The following SYT14 variants were observed in gnomAD, a reference collection of about 807,000 sequenced individuals.
SYT14 encodes synaptotagmin-14.
Under a neutral mutation model 74.2 loss-of-function variants are expected in SYT14, and 32 were observed. The ratio of observed to expected loss-of-function variants is 0.43; its 90% CI spans 0.33 to 0.58. The LOEUF (loss-of-function observed/expected upper bound fraction) is 0.58. SYT14 is among the 20% of genes least tolerant of loss of function. The probability of loss-of-function intolerance (pLI) is 0.05; values close to 1 mark genes in which losing one functional copy is unlikely to be tolerated. For synonymous variants in SYT14, 298 were observed against 337.7 expected (o/e 0.88, Z 1.29); for missense variants, 791 against 981.8 (o/e 0.81, Z 2.60).
intron 5 of SYT14, among the ~76,000 whole-genome samples, chr1:210,075,395 C>A (rs976380560): frequency 1.4e-5 from 2 of 142,964 alleles, no homozygotes; most frequent in African/African-American, 5.4e-5. Context: ...AGTGCAATGG[C>A]ACAATCTCAG....
In SYT14 at chr1:210,008,409, G is replaced by C. The variant is rs894320223; in HGVS notation, c.-485-5224G>C. On this transcript the variant is annotated intron_variant, in intron 2 of 9. Transcript: ENST00000637265. Reference sequence around the variant, plus strand: ...GAGATGGAATCTCGCTCTCGCTCAGGCTGGAATGCAGTGGCGCGATCTCAG... The same window carrying C: ...GAGATGGAATCTCGCTCTCGCTCAGCCTGGAATGCAGTGGCGCGATCTCAG... 2.6e-5 allele frequency among the ~76,000 whole-genome samples: 4 copies of C among 152,026 alleles called. No individual in the cohort carries two copies. The East Asian group carries it at 5.8e-4, about 22-fold the overall frequency.
At chr1:209,949,345 C>A (rs190509824) in intron 1 of SYT14, among the ~76,000 whole-genome samples, 2 of 151,956 alleles carry the variant, frequency 1.3e-5, no homozygotes, top group African/African-American at 4.8e-5. Flanking sequence ...GAGGCCGAGG[C>A]GGGCGGATCA....
At chr1:210,143,795 A>G (rs2082971157) in intron 7 of SYT14, among the ~76,000 whole-genome samples, 1 of 152,172 alleles carries the variant, frequency 6.6e-6, no homozygotes, top group East Asian at 1.9e-4. Context: ...CAAATGAAAT[A>G]TTATTTATAA....
exon 10 of SYT14, chr1:210,162,952 A>T (rs560785925): frequency 2.2e-6 from 1 of 452,074 alleles, no homozygotes; most frequent in Non-Finnish European, 4.4e-6. Flanking sequence ...TAAACAAGTA[A>T]GAGTTAGAAC....
chr1:210,059,451 T>TATATATATATATATATATAGAG (rs377050610), intron 5 of SYT14, among the ~76,000 whole-genome samples: 14 of 69,900 alleles, frequency 2.0e-4, no homozygotes, highest in African/African-American at 4.7e-4. Flanking sequence ...TATATATATA[T>TATATATATATATATATATAGAG]AGAGAGAGAG....
chr1:209,953,018 G>T (rs755826165), intron 2 of SYT14: 10 of 1,417,682 alleles, frequency 7.1e-6, no homozygotes. Flanking sequence ...TGGTGAAGAG[G>T]CAAAGAATGG....
At chr1:210,085,969 TTAAA>T (rs1223186694) in intron 5 of SYT14, among the ~76,000 whole-genome samples, 1 of 152,208 alleles carries the variant, frequency 6.6e-6, no homozygotes, top group African/African-American at 2.4e-5. Context: ...TTTCCCTTCT[TTAAA>T]TAATAAGTTC....
At chr1:209,977,010 A>G (rs1237946437) in intron 2 of SYT14, among the ~76,000 whole-genome samples, 1 of 152,110 alleles carries the variant, frequency 6.6e-6, no homozygotes, top group East Asian at 1.9e-4. Context: ...CTATTTTATC[A>G]GAGACTAGGT....
At chr1:210,015,970 A>G in exon 4 of SYT14, 1 of 1,231,900 alleles carries the variant, frequency 8.1e-7, no homozygotes. Flanking sequence ...AGAAAATTCC[A>G]TTATTGCACC....
rs2079285355 is a variant in SYT14 at position 209,973,030 on chromosome 1, G to A, written c.-486+20274G>A. On this transcript the variant is annotated intron_variant, in intron 2 of 9. Transcript: ENST00000637265. ...GTTTTATGAATCTGAGTGCCTCAGT[G>A]TTGGGTGTGTATGTATTTAGGATAG... is the stretch of plus-strand genomic sequence containing the variant. Among the ~76,000 whole-genome samples the A allele has an allele frequency of 2.0e-5, 3 of 152,156 alleles. 1 individual carries two copies. The South Asian group carries it at 6.2e-4, about 32-fold the overall frequency.
chr1:210,007,132 G>A (rs2080004396), intron 2 of SYT14, among the ~76,000 whole-genome samples: 1 of 151,348 alleles, frequency 6.6e-6, no homozygotes, highest in Admixed American at 6.6e-5. Context: ...TAAAAAATTG[G>A]TATTTTTTAA....
At chr1:210,052,244 A>C (rs1365283168) in intron 5 of SYT14, among the ~76,000 whole-genome samples, 1 of 151,434 alleles carries the variant, frequency 6.6e-6, no homozygotes, top group Non-Finnish European at 1.5e-5. Flanking sequence ...TTTCTGATAC[A>C]GAGTCTTGCT....
chr1:210,015,899 G>A lies in SYT14; in HGVS notation c.-105G>A, dbSNP rs750237235. ...TGTGAATTGCTAATATTGAGCTGAC[G>A]AATAGCAACATTTAAGTAAATGTTA... On this transcript the variant is annotated 5_prime_UTR_variant, in exon 4 of 10. Transcript: ENST00000637265. 78 of 1,228,172 alleles carry A rather than the reference G, an allele frequency of 6.4e-5. 1 individual carries two copies. Among genetic ancestry groups the A allele is most frequent in the Non-Finnish European group, 6.8e-5 (67 of 985,480 alleles). The allele number at this position is 1,228,172 out of a possible 1,614,324, so 76.1% of individuals were successfully genotyped here.
intron 7 of SYT14, among the ~76,000 whole-genome samples, chr1:210,111,592 T>C (rs768441721): frequency 4.0e-5 from 6 of 151,314 alleles, no homozygotes; most frequent in Non-Finnish European, 7.4e-5. Flanking sequence ...CATGGGAACC[T>C]AGAGTAGGAG....
intron 5 of SYT14, among the ~76,000 whole-genome samples, chr1:210,057,200 T>C (rs766484466): frequency 6.6e-5 from 10 of 152,134 alleles, no homozygotes; most frequent in Non-Finnish European, 1.0e-4. Flanking sequence ...AAACATGAGG[T>C]AGTATAAATA....
chr1:210,059,451 T>TATATATATATATATATAG (rs377050610), intron 5 of SYT14, among the ~76,000 whole-genome samples: 73 of 69,886 alleles, frequency 1.0e-3, no homozygotes, highest in Non-Finnish European at 1.3e-3. Context: ...TATATATATA[T>TATATATATATATATATAG]AGAGAGAGAG....
intron 1 of SYT14, among the ~76,000 whole-genome samples, chr1:209,946,003 T>C (rs936201878): frequency 2.6e-5 from 4 of 152,242 alleles, no homozygotes; most frequent in Non-Finnish European, 5.9e-5. Flanking sequence ...ATTATTGTTA[T>C]ATTTGTTATG....
intron 7 of SYT14, among the ~76,000 whole-genome samples, chr1:210,120,956 G>T (rs2082449031): frequency 6.6e-6 from 1 of 152,018 alleles, no homozygotes; most frequent in Non-Finnish European, 1.5e-5. Flanking sequence ...CCATTTTAGT[G>T]CCAAAGTTGT....
At chr1:210,012,140 C>A (rs1558127344) in intron 2 of SYT14, among the ~76,000 whole-genome samples, 2 of 152,052 alleles carry the variant, frequency 1.3e-5, no homozygotes, top group African/African-American at 4.8e-5. Context: ...TTATTTCTGC[C>A]TGAAGTGATT....
Sources: allele counts gnomAD v4.1 joint callset (sites outside exome capture counted in the v4.1 genomes callset), GRCh38; gene constraint gnomAD v4.1.1; transcripts MANE v1.5; gene names NCBI Gene and HGNC (gene_info 2026-07-23, HGNC 2026-07-21).